COX7B: variants seen among roughly 807,000 people sequenced by gnomAD.
COX7B encodes cytochrome c oxidase subunit 7B.
COX7B carries 2 observed loss-of-function variants against 7.9 expected under a neutral mutation model. The observed-to-expected ratio is 0.25, with a 90% confidence interval of 0.10 to 0.79. COX7B has a LOEUF of 0.79. Ranked by LOEUF, COX7B falls within the 30% of genes least tolerant of loss-of-function variation. The pLI is 0.69. For synonymous variants in COX7B, 19 were observed against 21.1 expected, an observed-to-expected ratio of 0.90 and a Z score of 0.27; for missense variants, 54 against 62.7, an observed-to-expected ratio of 0.86 and a Z score of 0.47.
intron 1 of COX7B, among the ~76,000 whole-genome samples, 168 bp from the exon 2 acceptor site, chrX:77,902,475 A>G (rs1401479056): frequency 8.9e-6 from 1 of 112,605 alleles, no homozygotes; most frequent in Non-Finnish European, 1.9e-5. Context: ...TTGCATTTCA[A>G]AGTACACTGC....
intron 2 of COX7B, among the ~76,000 whole-genome samples, chrX:77,903,786 A>G (rs1301655614): frequency 1.8e-5 from 2 of 111,201 alleles, no homozygotes; most frequent in Non-Finnish European, 3.8e-5. Flanking sequence ...AACTTAGCAC[A>G]GTATTCGTGA....
chrX:77,905,052 G>T, intron 2 of COX7B, 132 bp from the exon 3 acceptor site: 2 of 521,143 alleles, frequency 3.8e-6, no homozygotes, highest in Non-Finnish European at 6.6e-6. Context: ...TATATGGAGG[G>T]TATTAGATCC....
At position 77,907,144 on chromosome X, in the gene COX7B, A is replaced by G. The variant is rs1234124490; in HGVS notation, c.*1883A>G. The G allele has an allele frequency of 1.8e-5, 2 of 111,717 alleles. No individual in the cohort carries two copies. The highest frequency in any genetic ancestry group is 3.8e-5 in the Non-Finnish European group (2 of 53,191). 9.2% of individuals were successfully genotyped at this position (111,717 alleles called of 1,213,427 possible). ...GGCATATGTCCTAGTTTCTCATCAA[A>G]TGGACCAAAGTCAGTGATTTTATTT... is the stretch of plus-strand genomic sequence containing the variant. On this transcript the variant is annotated 3_prime_UTR_variant, in exon 3 of 3. Coordinates refer to ENST00000650309, the MANE Select transcript of COX7B (RefSeq NM_001866.3).
intron 1 of COX7B, chrX:77,901,789 A>T (rs1557220672): frequency 1.8e-5 from 2 of 111,450 alleles, no homozygotes; most frequent in Non-Finnish European, 3.8e-5. Flanking sequence ...TAGTGGTGTG[A>T]TCATAGCTCA....
chrX:77,904,397 T>C (rs1362966718), intron 2 of COX7B, among the ~76,000 whole-genome samples: 1 of 108,434 alleles, frequency 9.2e-6, no homozygotes, highest in Non-Finnish European at 1.9e-5. Context: ...ACGCCTGTAG[T>C]CCTAGCACTT....
chrX:77,903,904 A>G (rs2077127492), intron 2 of COX7B, among the ~76,000 whole-genome samples: 1 of 106,888 alleles, frequency 9.4e-6, no homozygotes, highest in Non-Finnish European at 1.9e-5. Context: ...GGAGTCCTGA[A>G]GTCTGTGTTT....
At chrX:77,902,567 A>G in intron 1 of COX7B, 76 bp from the exon 2 acceptor site, 1 of 1,067,412 alleles carries the variant, frequency 9.4e-7, no homozygotes, top group Non-Finnish European at 1.3e-6. Flanking sequence ...CCTGATTGGC[A>G]GTATCAATCA....
Position 77,905,202 on chromosome X carries a change from A to G in COX7B, c.184A>G (p.Ile62Val). ...CTTACAGGTAGCAACACAAGTCGGAATAGAATGGAACCTGTCCCCTGTTGG... is the reference window on the plus strand; with the variant it reads ...CTTACAGGTAGCAACACAAGTCGGAGTAGAATGGAACCTGTCCCCTGTTGG... ...TWTYVATQVG[I>V]EWNLSPVGRV... Residue 62 changes from isoleucine (I) to valine (V), a missense_variant, in exon 3 of 3, where the codon ATA becomes GTA. Transcript: ENST00000650309. 1 of 1,209,851 alleles carries G rather than the reference A, an allele frequency of 8.3e-7. No homozygotes were observed. The highest frequency in any genetic ancestry group is 1.1e-6 in the Non-Finnish European group (1 of 894,000).
Position 77,906,944 on chromosome X carries a change from C to T in COX7B, c.*1683C>T, listed in dbSNP as rs1312487783. The T allele has an allele frequency of 9.0e-6, 1 of 110,550 alleles. No individual in the cohort carries two copies. The highest frequency in any genetic ancestry group is 1.9e-5 in the Non-Finnish European group (1 of 53,014). 9.1% of individuals were successfully genotyped at this position (110,550 alleles called of 1,213,427 possible). On this transcript the variant is annotated 3_prime_UTR_variant, in exon 3 of 3. Coordinates refer to ENST00000650309, the MANE Select transcript of COX7B (RefSeq NM_001866.3). The stretch of plus-strand genomic sequence containing the variant: ...CGCCCGGCTTATATATCATTACTTT[C>T]TTGGCTGAGAGCTGTAGTCTGTGGT...
intron 1 of COX7B, among the ~76,000 whole-genome samples, chrX:77,900,173 C>T (rs1250008217): frequency 9.0e-6 from 1 of 111,569 alleles, no homozygotes; most frequent in Non-Finnish European, 1.9e-5. Context: ...TCGAGACCAG[C>T]CTGGCCAACA....
rs34296412 is a variant in COX7B, at chrX:77,905,481, G to GTTTTT, written c.*243_*247dup. 4 of 67,799 alleles carry GTTTTT rather than the reference G, an allele frequency of 5.9e-5. No homozygotes were observed. Among genetic ancestry groups the GTTTTT allele is most frequent in the Admixed American group, 2.7e-4 (1 of 3,766 alleles). 5.6% of individuals were successfully genotyped at this position (67,799 alleles called of 1,213,427 possible). A position where few individuals can be genotyped will look rare whatever the true frequency, so the allele number is the denominator to read the frequency against. ...AAATGCTGTGCAGCTTCTTAAATAG[G>GTTTTT]TTTTTTTTTTTTTTTTTTTTTTTTT... On this transcript the variant is annotated 3_prime_UTR_variant, in exon 3 of 3. Transcript: ENST00000650309.
intron 2 of COX7B, among the ~76,000 whole-genome samples, chrX:77,903,824 A>G (rs1014621853): frequency 4.6e-5 from 5 of 109,075 alleles, no homozygotes; most frequent in Non-Finnish European, 9.5e-5. Flanking sequence ...ATCTTTTTAT[A>G]TTTTAGTTTC....
Position 77,905,271 on chromosome X carries a change from C to T in COX7B, c.*10C>T. ...ATGGAGGAATCAGTAATCATCCCAGCTGGTGTAATAATGAATTGTTTAAAA... is the reference window on the plus strand; with the variant it reads ...ATGGAGGAATCAGTAATCATCCCAGTTGGTGTAATAATGAATTGTTTAAAA... On this transcript the variant is annotated 3_prime_UTR_variant, in exon 3 of 3. Transcript: ENST00000650309. 2 of 1,179,215 alleles carry T rather than the reference C, an allele frequency of 1.7e-6. No homozygotes were observed. The highest frequency in any genetic ancestry group is 2.3e-6 in the Non-Finnish European group (2 of 867,597).
At chrX:77,902,357 G>A (rs2077122630) in intron 1 of COX7B, among the ~76,000 whole-genome samples, 1 of 111,776 alleles carries the variant, frequency 8.9e-6, no homozygotes, top group Non-Finnish European at 1.9e-5. Flanking sequence ...CTGAAGAGTT[G>A]GAAGAATCGT....
At chrX:77,903,013 G>GT (rs1398012515) in intron 2 of COX7B, 33 of 202,978 alleles carry the variant, frequency 1.6e-4, no homozygotes, top group East Asian at 2.5e-4. Flanking sequence ...TTGTGTAGCT[G>GT]TTTTTTTTGT....
intron 2 of COX7B, 121 bp from the exon 3 acceptor site, chrX:77,905,063 C>T: frequency 1.8e-6 from 1 of 564,356 alleles, no homozygotes; most frequent in Non-Finnish European, 3.0e-6. Flanking sequence ...TATTAGATCC[C>T]AGGTGAGTTT....
intron 2 of COX7B, among the ~76,000 whole-genome samples, chrX:77,904,087 C>T (rs1317298531): frequency 9.4e-6 from 1 of 106,746 alleles, no homozygotes; most frequent in East Asian, 3.0e-4. Context: ...TGCCCACCAC[C>T]ATGCCCGGCT....
At chrX:77,899,737 A>T (rs2077115978) in intron 1 of COX7B, 144 bp downstream of exon 1, 1 of 565,628 alleles carries the variant, frequency 1.8e-6, no homozygotes, top group African/African-American at 2.2e-5. Flanking sequence ...AGTCATTGGG[A>T]TGATGTCCTT....
rs1482272774 is a variant in COX7B, at chrX:77,907,273, G to A, written c.*2012G>A. ...AACGCTTTATGGTATTTCATATTTA[G>A]AATGTTCAAAATAGTACTGAAGTAT... On this transcript the variant is annotated 3_prime_UTR_variant, in exon 3 of 3. Coordinates refer to ENST00000650309, the MANE Select transcript of COX7B (RefSeq NM_001866.3). 3 of 112,016 alleles carry A rather than the reference G, an allele frequency of 2.7e-5. No homozygotes were observed. Among genetic ancestry groups the A allele is most frequent in the Non-Finnish European group, 5.6e-5 (3 of 53,252 alleles). The allele number at this position is 112,016 out of a possible 1,213,427, so 9.2% of individuals were successfully genotyped here.
Sources: gnomAD v4.1 joint callset for allele counts (sites outside exome capture counted in the v4.1 genomes callset) on GRCh38, gnomAD v4.1.1 for gene constraint, MANE v1.5 for transcripts, NCBI Gene and HGNC (gene_info 2026-07-23, HGNC 2026-07-21) for gene names.